The following DPYD variants were observed in gnomAD, a reference collection of about 807,000 sequenced individuals.
The protein encoded by DPYD is dihydropyrimidine dehydrogenase.
In DPYD, 109 loss-of-function variants were observed where a neutral mutation model predicts 116.2. The observed-to-expected ratio is 0.94, with a 90% CI of 0.80 to 1.10. The LOEUF (loss-of-function observed/expected upper bound fraction) is 1.10. DPYD is among the 50% of genes least tolerant of loss of function. The pLI is 0.00. For synonymous variants in DPYD, 440 were observed against 432.0 expected (o/e 1.02, Z -0.23); for missense variants, 1,302 against 1,254.5 (o/e 1.04, Z -0.57).
At position 97,125,255 on chromosome 1, in the gene DPYD, A is replaced by G. The variant is rs528847144; in HGVS notation, c.2623-26623T>C. On this transcript the variant is annotated intron_variant, in intron 20 of 22. Transcript: ENST00000370192. ...GCTTGTGAATGGAGACTCAACATGT[A>G]TAACATGTCTCCTATTTATGTGGAT... is the stretch of plus-strand genomic sequence containing the variant. 9.4e-4 allele frequency among the ~76,000 whole-genome samples: 143 copies of G among 152,234 alleles called. 1 individual carries two copies. The highest frequency in any genetic ancestry group is 3.3e-3 in the African/African-American group (136 of 41,566).
intron 8 of DPYD, among the ~76,000 whole-genome samples, chr1:97,618,866 G>A (rs902318829): frequency 3.3e-5 from 5 of 152,160 alleles, no homozygotes; most frequent in Admixed American, 6.6e-5. Context: ...GAGTTTTGGT[G>A]AGCTCACCAC....
rs968976971 is a variant in DPYD at position 97,792,542 on chromosome 1, G to A, written c.233+35572C>T. On this transcript the variant is annotated intron_variant, in intron 3 of 22. Coordinates refer to ENST00000370192, the MANE Select transcript of DPYD (RefSeq NM_000110.4). ...TGGGATTACAGGCGTGAGCCACCGCGCCTGGCCGCTACTGAGCTCTTTAGT... is the reference window on the plus strand; with the variant it reads ...TGGGATTACAGGCGTGAGCCACCGCACCTGGCCGCTACTGAGCTCTTTAGT... 3.9e-5 allele frequency among the ~76,000 whole-genome samples: 6 copies of A among 152,060 alleles called. No individual in the cohort carries two copies. In the East Asian group the frequency reaches 5.8e-4, roughly 15 times the overall value.
At chr1:97,257,941 T>G (rs1187476172) in intron 18 of DPYD, among the ~76,000 whole-genome samples, 1 of 152,128 alleles carries the variant, frequency 6.6e-6, no homozygotes, top group Admixed American at 6.6e-5. Context: ...TATTGTACTT[T>G]GTCTAGTTGG....
intron 2 of DPYD, among the ~76,000 whole-genome samples, chr1:97,840,232 T>A (rs1438819839): frequency 6.6e-6 from 1 of 152,074 alleles, no homozygotes; most frequent in East Asian, 1.9e-4. Flanking sequence ...AAAGTGTTTT[T>A]TTAAATGCAC....
intron 20 of DPYD, among the ~76,000 whole-genome samples, chr1:97,120,514 A>T (rs1467109118): frequency 6.6e-6 from 1 of 152,140 alleles, no homozygotes; most frequent in East Asian, 1.9e-4. Flanking sequence ...CCTTTTATAT[A>T]ATGCACAGCT....
At chr1:97,798,914 C>G (rs1027220288) in intron 3 of DPYD, among the ~76,000 whole-genome samples, 4 of 151,952 alleles carry the variant, frequency 2.6e-5, no homozygotes, top group Non-Finnish European at 4.4e-5. Context: ...TTGTAACAGG[C>G]AGACAGGAGT....
intron 8 of DPYD, among the ~76,000 whole-genome samples, chr1:97,614,118 C>A (rs12033263): frequency 0.15 from 22,316 of 151,906 alleles, 1,684 homozygotes; most frequent in Non-Finnish European, 0.17. Context: ...TGAGGCAAAT[C>A]TTCAAAGTTT....
intron 4 of DPYD, among the ~76,000 whole-genome samples, chr1:97,726,431 T>C (rs1193923368): frequency 6.6e-6 from 1 of 151,586 alleles, no homozygotes; most frequent in Admixed American, 6.6e-5. Context: ...TAAGCAAACA[T>C]ATTTAGTTCC....
At chr1:97,202,702 C>T (rs910095852) in intron 19 of DPYD, among the ~76,000 whole-genome samples, 2 of 152,236 alleles carry the variant, frequency 1.3e-5, no homozygotes, top group Admixed American at 6.5e-5. Context: ...AGTCAAAGGG[C>T]TGTGCCCTGC....
chr1:97,758,449 A>T (rs1557938718), intron 3 of DPYD, among the ~76,000 whole-genome samples: 2 of 152,204 alleles, frequency 1.3e-5, no homozygotes, highest in South Asian at 4.1e-4. Flanking sequence ...AGAGACATTA[A>T]TCTTTCAATA....
intron 6 of DPYD, among the ~76,000 whole-genome samples, chr1:97,693,324 A>G (rs571822206): frequency 2.0e-4 from 29 of 147,404 alleles, no homozygotes; most frequent in South Asian, 1.3e-3. Flanking sequence ...AAAACCAAAA[A>G]AGAAAATGCA....
Position 97,093,597 on chromosome 1 carries a change from T to C in DPYD, c.2766+4892A>G, listed in dbSNP as rs1017639766. Among the ~76,000 whole-genome samples the C allele has an allele frequency of 3.3e-5, 5 of 152,306 alleles. No homozygotes were observed. The South Asian group carries it at 1.0e-3, about 32-fold the overall frequency. On this transcript the variant is annotated intron_variant, in intron 21 of 22. Transcript: ENST00000370192. ...CTTTTATTATTTCCATTTCACAGATTAGTTAGCTGAGGCAAGTTCATGCAG... is the reference window on the plus strand; with the variant it reads ...CTTTTATTATTTCCATTTCACAGATCAGTTAGCTGAGGCAAGTTCATGCAG...
At chr1:97,151,635 A>G (rs1023204579) in intron 20 of DPYD, among the ~76,000 whole-genome samples, 2 of 152,194 alleles carry the variant, frequency 1.3e-5, no homozygotes, top group African/African-American at 4.8e-5. Context: ...AGATTGTGCC[A>G]TTGCACTCCA....
Position 97,156,491 on chromosome 1 carries a change from A to C in DPYD, c.2622+36578T>G, listed in dbSNP as rs535031405. Among the ~76,000 whole-genome samples the C allele has an allele frequency of 2.8e-3, 422 of 152,312 alleles. 1 individual carries two copies. The highest frequency in any genetic ancestry group is 4.1e-3 in the Non-Finnish European group (278 of 68,030). The stretch of plus-strand genomic sequence containing the variant: ...AGACACTTCTCAAAAGAAGACATTT[A>C]TGCAGCCAAAAAGCACATGAAAAAA... On this transcript the variant is annotated intron_variant, in intron 20 of 22. Coordinates refer to ENST00000370192, the MANE Select transcript of DPYD (RefSeq NM_000110.4).
At chr1:97,201,718 T>C (rs984615396) in intron 19 of DPYD, among the ~76,000 whole-genome samples, 1 of 152,156 alleles carries the variant, frequency 6.6e-6, no homozygotes, top group Non-Finnish European at 1.5e-5. Flanking sequence ...AAAGTCATGA[T>C]GTCCCTATAT....
At chr1:97,399,957 T>A (rs1199830210) in intron 14 of DPYD, among the ~76,000 whole-genome samples, 2 of 152,164 alleles carry the variant, frequency 1.3e-5, no homozygotes, top group Non-Finnish European at 2.9e-5. Context: ...TCCTGCCTAA[T>A]TGCCCTGGCC....
chr1:97,286,952 G>A (rs182597037), intron 18 of DPYD, among the ~76,000 whole-genome samples: 42 of 152,336 alleles, frequency 2.8e-4, no homozygotes, highest in Middle Eastern at 3.4e-3. Flanking sequence ...GCTTTGTTAC[G>A]TTGCTGGTGA....
At chr1:97,696,142 GAAAAAAGAAAAGA>G (rs1218018033) in intron 6 of DPYD, among the ~76,000 whole-genome samples, 4 of 132,548 alleles carry the variant, frequency 3.0e-5, no homozygotes, top group East Asian at 4.2e-4. Context: ...AAAAAAGAAA[GAAAAAAGAAAAGA>G]AAAAAAGAAA....
At position 97,863,208 on chromosome 1, in the gene DPYD, C is replaced by A. The variant is rs149701838; in HGVS notation, c.150+20056G>T. On this transcript the variant is annotated intron_variant, in intron 2 of 22. Transcript: ENST00000370192. Reference sequence around the variant, plus strand: ...AGGCCACAGATTCAGAGGTTACCCTCCCCTTTCTTTGATAAAGAAATGCCA... The same window carrying A: ...AGGCCACAGATTCAGAGGTTACCCTACCCTTTCTTTGATAAAGAAATGCCA... 4.6e-3 allele frequency among the ~76,000 whole-genome samples: 695 copies of A among 151,968 alleles called. 8 individuals carry two copies. Among genetic ancestry groups the A allele is most frequent in the African/African-American group, 0.016 (670 of 41,484 alleles).
Sources: allele counts gnomAD v4.1 joint callset (sites outside exome capture counted in the v4.1 genomes callset), GRCh38; gene constraint gnomAD v4.1.1; transcripts MANE v1.5; gene names NCBI Gene and HGNC (gene_info 2026-07-23, HGNC 2026-07-21).